PSMA3: variants seen among roughly 807,000 people sequenced by gnomAD.
PSMA3 encodes proteasome 20S subunit alpha 3, also known as proteasome subunit alpha type-3.
PSMA3 carries 8 observed loss-of-function variants against 40.0 expected under a neutral mutation model. The observed-to-expected ratio is 0.20, with a 90% CI of 0.12 to 0.36. The LOEUF is 0.36. Ranked by LOEUF, PSMA3 falls within the 10% of genes least tolerant of loss-of-function variation. PSMA3 has a pLI of 1.00. For synonymous variants in PSMA3, 110 were observed against 100.0 expected (o/e 1.10, Z -0.59); for missense variants, 219 against 310.6 (o/e 0.70, Z 2.22).
At chr14:58,244,984 T>C (rs762071190) in intron 1 of PSMA3, 43 bp downstream of exon 1, 1 of 1,613,824 alleles carries the variant, frequency 6.2e-7, no homozygotes, top group Non-Finnish European at 8.5e-7. Context: ...ACCTAAGGAT[T>C]GGGGTTGAAG....
chr14:58,246,029 A>G (rs763027896), intron 1 of PSMA3, among the ~76,000 whole-genome samples: 1 of 152,220 alleles, frequency 6.6e-6, no homozygotes. Flanking sequence ...AAACCTTTTA[A>G]AGAATACTTG....
chr14:58,249,761 T>C (rs1594823608), intron 2 of PSMA3, among the ~76,000 whole-genome samples: 1 of 152,160 alleles, frequency 6.6e-6, no homozygotes. Context: ...CTGCTTAGGC[T>C]TCCCAAAGTG....
chr14:58,270,071 A>ACT (rs1267117111), intron 8 of PSMA3: 1 of 173,644 alleles, frequency 5.8e-6, no homozygotes, highest in African/African-American at 2.4e-5. Context: ...CTAGTCTCGA[A>ACT]CTGACCTCAA....
At chr14:58,271,517 C>T (rs1184635931) in intron 10 of PSMA3, among the ~76,000 whole-genome samples, 2 of 151,784 alleles carry the variant, frequency 1.3e-5, no homozygotes, top group Non-Finnish European at 2.9e-5. Flanking sequence ...TTGGCTTCAC[C>T]AATAATACAG....
At chr14:58,250,415 T>C (rs1191977347) in intron 2 of PSMA3, among the ~76,000 whole-genome samples, 5 of 152,042 alleles carry the variant, frequency 3.3e-5, no homozygotes, top group Non-Finnish European at 4.4e-5. Flanking sequence ...GAAGAGGAAA[T>C]GTATTCTAGC....
At chr14:58,258,127 A>G (rs1236735519) in intron 5 of PSMA3, 129 bp downstream of exon 5, 2 of 715,814 alleles carry the variant, frequency 2.8e-6, no homozygotes, top group South Asian at 1.8e-5. Flanking sequence ...CAATGATTAA[A>G]TAAAACAGTG....
intron 2 of PSMA3, among the ~76,000 whole-genome samples, chr14:58,250,107 C>A (rs1889973906): frequency 6.7e-6 from 1 of 149,568 alleles, no homozygotes; most frequent in South Asian, 2.1e-4. Context: ...GTAATCCCAG[C>A]TACTTGGGAG....
chr14:58,244,959 C>T lies in PSMA3; in HGVS notation c.21+18C>T, dbSNP rs201567157. On this transcript the variant is annotated intron_variant, in intron 1 of 10. Transcript: ENST00000216455. ...GCACTGGGGTGAGTTCGCTGTCTGT[C>T]GGTGTAATAGTTTAACCTAAGGATT... The T allele has an allele frequency of 1.2e-6, 2 of 1,614,172 alleles. No homozygotes were observed. The highest frequency in any genetic ancestry group is 1.7e-6 in the Non-Finnish European group (2 of 1,180,012).
chr14:58,264,423 C>A (rs1177962968), intron 7 of PSMA3, among the ~76,000 whole-genome samples: 1 of 152,138 alleles, frequency 6.6e-6, no homozygotes, highest in Non-Finnish European at 1.5e-5. Context: ...AAAAAGTTTT[C>A]TTAAAAACTT....
At chr14:58,255,710 G>C (rs71414196) in intron 3 of PSMA3, among the ~76,000 whole-genome samples, 3 of 152,090 alleles carry the variant, frequency 2.0e-5, no homozygotes, top group Non-Finnish European at 4.4e-5. Context: ...TGGAGGTTGC[G>C]GTGAGCCGCG....
intron 6 of PSMA3, among the ~76,000 whole-genome samples, chr14:58,262,745 T>G (rs1890320765): frequency 6.6e-6 from 1 of 151,682 alleles, no homozygotes; most frequent in Admixed American, 6.6e-5. Flanking sequence ...GTATTTTTAG[T>G]AGAGACAGAC....
In PSMA3 at chr14:58,271,814, T is replaced by A. The variant is rs577855750; in HGVS notation, c.724-37T>A. ...CCACAGGTGTGGGATATAACAATTT[T>A]AAAAATCAATTTTAAACACCTGTTT... On this transcript the variant is annotated intron_variant, in intron 10 of 10. Transcript: ENST00000216455. 94 of 1,533,722 alleles carry A rather than the reference T, an allele frequency of 6.1e-5. No homozygotes were observed. In the East Asian group the frequency reaches 2.1e-3, roughly 34 times the overall value.
chr14:58,269,654 G>A (rs564392333), intron 8 of PSMA3: 8 of 151,818 alleles, frequency 5.3e-5, no homozygotes, highest in Admixed American at 1.3e-4. Flanking sequence ...GGATGGTCTC[G>A]AACTCCTGAC....
At position 58,245,098 on chromosome 14, in the gene PSMA3, C is replaced by T. The variant is rs547655765; in HGVS notation, c.21+157C>T. 170 of 875,680 alleles carry T rather than the reference C, an allele frequency of 1.9e-4. 3 individuals are homozygous for T. The South Asian group carries it at 2.1e-3, about 11-fold the overall frequency. The allele number at this position is 875,680 out of a possible 1,614,324, so 54.2% of individuals were successfully genotyped here. On this transcript the variant is annotated intron_variant, in intron 1 of 10. Transcript: ENST00000216455. Reference sequence around the variant, plus strand: ...CTGTTTGGAGACCGGTCGTCTTTATCCCCTATATGCTAGGCCTGCGTCTCA... The same window carrying T: ...CTGTTTGGAGACCGGTCGTCTTTATTCCCTATATGCTAGGCCTGCGTCTCA...
intron 7 of PSMA3, 149 bp downstream of exon 7, chr14:58,263,919 A>G: frequency 1.5e-6 from 1 of 654,344 alleles, no homozygotes; most frequent in Non-Finnish European, 2.7e-6. Flanking sequence ...ATGATAGCTG[A>G]TGAGCTTAAA....
chr14:58,259,117 A>G (rs1186750259), intron 5 of PSMA3, among the ~76,000 whole-genome samples: 3 of 152,012 alleles, frequency 2.0e-5, no homozygotes, highest in Non-Finnish European at 4.4e-5. Context: ...TTTTTTGTAG[A>G]GACGGGGTCT....
At chr14:58,247,464 T>G (rs942778426) in intron 1 of PSMA3, among the ~76,000 whole-genome samples, 10 of 152,272 alleles carry the variant, frequency 6.6e-5, no homozygotes, top group African/African-American at 2.2e-4. Context: ...CTGGTTCTAC[T>G]GCCCCATATT....
intron 2 of PSMA3, among the ~76,000 whole-genome samples, chr14:58,248,916 T>C (rs912292147): frequency 6.6e-6 from 1 of 151,996 alleles, no homozygotes; most frequent in Non-Finnish European, 1.5e-5. Context: ...TGAGCCAAGA[T>C]TGCACCACTG....
chr14:58,255,463 C>T (rs537780768), intron 3 of PSMA3, among the ~76,000 whole-genome samples: 1 of 152,218 alleles, frequency 6.6e-6, no homozygotes, highest in South Asian at 2.1e-4. Context: ...ACATTTTTCT[C>T]CAAACTTAGA....
Sources: gnomAD v4.1 joint callset for allele counts (sites outside exome capture counted in the v4.1 genomes callset) on GRCh38, gnomAD v4.1.1 for gene constraint, MANE v1.5 for transcripts, NCBI Gene and HGNC (gene_info 2026-07-23, HGNC 2026-07-21) for gene names.